The following SLC25A31 variants were observed in gnomAD, a reference collection of about 807,000 sequenced individuals.
SLC25A31 encodes the protein ADP/ATP translocase 4.
Under a neutral mutation model 36.2 loss-of-function variants are expected in SLC25A31, and 40 were observed. The observed-to-expected ratio is 1.10, with a 90% confidence interval of 0.86 to 1.44. The LOEUF (loss-of-function observed/expected upper bound fraction) is 1.44. SLC25A31 is among the 40% of genes most tolerant of loss of function. The pLI, the probability that SLC25A31 is intolerant of heterozygous loss-of-function variation, is 0.00. For synonymous variants in SLC25A31, 143 were observed against 149.7 expected, an observed-to-expected ratio of 0.96 and a Z score of 0.32; for missense variants, 350 against 397.1, an observed-to-expected ratio of 0.88 and a Z score of 1.01.
At chr4:127,771,588 C>A (rs1012670409) in intron 5 of SLC25A31, among the ~76,000 whole-genome samples, 3 of 152,120 alleles carry the variant, frequency 2.0e-5, no homozygotes, top group African/African-American at 7.2e-5. Flanking sequence ...AATTCTTACA[C>A]CTTTTATTTC....
At chr4:127,733,945 T>A (rs919287558) in intron 1 of SLC25A31, among the ~76,000 whole-genome samples, 16 of 152,224 alleles carry the variant, frequency 1.1e-4, no homozygotes, top group Non-Finnish European at 2.2e-4. Flanking sequence ...TTTCTGACAC[T>A]TTTTATAAGC....
At chr4:127,730,800 G>A (rs1027339266) in intron 1 of SLC25A31, 23 bp downstream of exon 1, 29 of 1,590,252 alleles carry the variant, frequency 1.8e-5, no homozygotes, top group East Asian at 9.1e-5. Flanking sequence ...AGGCCGCCCC[G>A]ACAGCCTCTC....
chr4:127,737,677 C>T (rs1731658208), intron 1 of SLC25A31, among the ~76,000 whole-genome samples: 1 of 152,136 alleles, frequency 6.6e-6, no homozygotes, highest in Non-Finnish European at 1.5e-5. Context: ...TCAGCCTCCT[C>T]AGTAGCAGGG....
intron 2 of SLC25A31, among the ~76,000 whole-genome samples, chr4:127,759,613 G>A (rs1218385433): frequency 6.6e-6 from 1 of 152,160 alleles, no homozygotes; most frequent in Non-Finnish European, 1.5e-5. Flanking sequence ...CATAGTGACA[G>A]AAGGGAGATT....
intron 2 of SLC25A31, among the ~76,000 whole-genome samples, chr4:127,761,762 G>A (rs1353404886): frequency 6.6e-6 from 1 of 152,094 alleles, no homozygotes; most frequent in Non-Finnish European, 1.5e-5. Context: ...ATTTTTCTTA[G>A]GAGAGGATCT....
chr4:127,768,923 T>A, intron 5 of SLC25A31, 46 bp downstream of exon 5: 3 of 1,500,236 alleles, frequency 2.0e-6, no homozygotes, highest in Non-Finnish European at 2.7e-6. Flanking sequence ...TTTTAATATC[T>A]CTGATATTTA....
In SLC25A31 at chr4:127,744,666, C is replaced by T. The variant is rs769067308; in HGVS notation, c.233-6C>T. The T allele has an allele frequency of 4.4e-6, 7 of 1,590,694 alleles. No individual in the cohort carries two copies. The African/African-American group carries it at 6.8e-5, about 15-fold the overall frequency. On this transcript the variant is annotated splice_region_variant and splice_polypyrimidine_tract_variant and intron_variant, in intron 1 of 5. Coordinates refer to ENST00000281154, the MANE Select transcript of SLC25A31 (RefSeq NM_031291.4). Reference sequence around the variant, plus strand: ...GGTTTATGTATTTATATGTTTCCCTCTGTAGGTTTCTTCAGTTTTTGGCGT... The same window carrying T: ...GGTTTATGTATTTATATGTTTCCCTTTGTAGGTTTCTTCAGTTTTTGGCGT...
chr4:127,744,621 T>C, intron 1 of SLC25A31, 51 bp from the exon 2 acceptor site: 1 of 1,471,260 alleles, frequency 6.8e-7, no homozygotes, highest in Non-Finnish European at 9.1e-7. Context: ...ACTATGGCAA[T>C]TGTTTAATAA....
At chr4:127,735,822 A>AAT (rs1731614411) in intron 1 of SLC25A31, among the ~76,000 whole-genome samples, 1 of 150,090 alleles carries the variant, frequency 6.7e-6, no homozygotes, top group Non-Finnish European at 1.5e-5. Context: ...AAAAAAAAAA[A>AAT]ATGTTGGTTT....
chr4:127,748,199 A>G lies in SLC25A31; in HGVS notation c.360+3400A>G, dbSNP rs76132848. 7.5e-3 allele frequency among the ~76,000 whole-genome samples: 1,148 copies of G among 152,298 alleles called. 14 individuals carry two copies. The highest frequency in any genetic ancestry group is 0.026 in the African/African-American group (1,094 of 41,542). ...AAACAGGTGTTTACCATAAATCACAATGTTAGCACAAACTCTCCCAGCTGA... is the reference window on the plus strand; with the variant it reads ...AAACAGGTGTTTACCATAAATCACAGTGTTAGCACAAACTCTCCCAGCTGA... On this transcript the variant is annotated intron_variant, in intron 2 of 5. Coordinates refer to ENST00000281154, the MANE Select transcript of SLC25A31 (RefSeq NM_031291.4).
chr4:127,771,549 T>G (rs1005865130), intron 5 of SLC25A31, among the ~76,000 whole-genome samples: 2 of 152,234 alleles, frequency 1.3e-5, no homozygotes, highest in Non-Finnish European at 2.9e-5. Context: ...AATCTGCAAC[T>G]AATATCAGTG....
intron 1 of SLC25A31, among the ~76,000 whole-genome samples, chr4:127,734,275 A>ATT (rs1578653714): frequency 1.3e-5 from 2 of 151,966 alleles, no homozygotes; most frequent in Non-Finnish European, 2.9e-5. Flanking sequence ...TAAAGAACTG[A>ATT]TTTTCTGGGT....
Position 127,773,531 on chromosome 4 carries a change from A to G in SLC25A31, c.905A>G (p.Asp302Gly), listed in dbSNP as rs376610442. ...GGTGCTTTGGTGTTGGTATTATATG[A>G]TAAAATTAAAGAATTCTTTCATATT... ...TGGALVLVLY[D>G]KIKEFFHIDI... Residue 302 changes from aspartate to glycine, a missense_variant, in exon 6 of 6, where the codon GAT becomes GGT. Asp to Gly is a moderately conservative substitution (Grantham distance 94). Transcript: ENST00000281154. The G allele has an allele frequency of 3.7e-6, 6 of 1,603,050 alleles. No homozygotes were observed. In the African/African-American group the frequency reaches 6.8e-5, roughly 18 times the overall value.
Sources: gnomAD v4.1 joint callset for allele counts (sites outside exome capture counted in the v4.1 genomes callset) on GRCh38, gnomAD v4.1.1 for gene constraint, MANE v1.5 for transcripts, NCBI Gene and HGNC (gene_info 2026-07-23, HGNC 2026-07-21) for gene names.